The following TMCC2 variants were observed in gnomAD, a reference collection of about 807,000 sequenced individuals.
TMCC2 encodes transmembrane and coiled-coil domain family 2, also known as transmembrane and coiled-coil domains protein 2.
TMCC2 carries 16 observed loss-of-function variants against 49.4 expected under a neutral mutation model. The observed-to-expected ratio is 0.32, with a 90% confidence interval of 0.22 to 0.49. The LOEUF (loss-of-function observed/expected upper bound fraction) is 0.49. TMCC2 is among the 20% of genes least tolerant of loss of function. TMCC2 has a pLI of 0.99. For synonymous variants in TMCC2, 397 were observed against 434.1 expected (o/e 0.91, Z 1.06); for missense variants, 762 against 989.8 (o/e 0.77, Z 3.09).
In TMCC2 at chr1:205,269,713, C is replaced by T; in HGVS notation, c.1511C>T (p.Pro504Leu). Residue 504 changes from proline to leucine, a missense_variant, in exon 3 of 5, where the codon CCT (proline) becomes CTT (leucine). Coordinates refer to ENST00000358024, the MANE Select transcript of TMCC2 (RefSeq NM_014858.4). ...GAGPGGALGS[P>L]KSNALYGAPG... is the part of the protein sequence containing the mutation. ...GGGCCTGGTGGGGCGCTGGGGAGCC[C>T]TAAGTCCAATGCACTGTATGGTGCT... 1 of 1,614,166 alleles carries T rather than the reference C, an allele frequency of 6.2e-7. No individual in the cohort carries two copies. The highest frequency in any genetic ancestry group is 1.1e-5 in the South Asian group (1 of 91,088).
chr1:205,256,156 C>T (rs1245774688), intron 2 of TMCC2: 16 of 1,365,192 alleles, frequency 1.2e-5, no homozygotes, highest in South Asian at 4.5e-5. Context: ...CAACGTGACG[C>T]GTGTCGGCCA....
intron 2 of TMCC2, among the ~76,000 whole-genome samples, chr1:205,263,073 C>G (rs567224019): frequency 6.6e-6 from 1 of 152,076 alleles, no homozygotes; most frequent in Admixed American, 6.5e-5. Flanking sequence ...AAGCACCCCC[C>G]ACCGCCTCCC....
intron 1 of TMCC2, among the ~76,000 whole-genome samples, chr1:205,237,332 T>C (rs1302511623): frequency 1.3e-5 from 2 of 152,154 alleles, no homozygotes; most frequent in African/African-American, 4.8e-5. Flanking sequence ...GCTGGCCCTG[T>C]TTCCATAGAG....
intron 2 of TMCC2, chr1:205,256,287 A>C (rs1385241920): frequency 6.5e-7 from 1 of 1,547,506 alleles, no homozygotes; most frequent in Admixed American, 2.0e-5. Flanking sequence ...CCCAGGACTC[A>C]GCTGGCCAGC....
In TMCC2 at chr1:205,272,342, G is replaced by T; in HGVS notation, c.*218G>T. On this transcript the variant is annotated 3_prime_UTR_variant, in exon 5 of 5. Coordinates refer to ENST00000358024, the MANE Select transcript of TMCC2 (RefSeq NM_014858.4). Reference sequence around the variant, plus strand: ...TGCAGCCCTACCTGGAGATAGTGCGGGCACCTGTGGCCAAGTGGAGCAGAG... The same window carrying T: ...TGCAGCCCTACCTGGAGATAGTGCGTGCACCTGTGGCCAAGTGGAGCAGAG... 1.1e-6 allele frequency: 1 copy of T among 892,414 alleles called. No homozygotes were observed. Among genetic ancestry groups the T allele is most frequent in the Non-Finnish European group, 1.6e-6 (1 of 608,546 alleles). 55.3% of individuals were successfully genotyped at this position (892,414 alleles called of 1,614,324 possible).
intron 2 of TMCC2, among the ~76,000 whole-genome samples, chr1:205,268,461 A>C (rs1414371536): frequency 6.6e-6 from 1 of 152,100 alleles, no homozygotes; most frequent in East Asian, 1.9e-4. Context: ...TGAAAATACA[A>C]AAATTAGCCA....
intron 2 of TMCC2, among the ~76,000 whole-genome samples, chr1:205,255,751 G>C (rs1182089841): frequency 6.6e-6 from 1 of 152,160 alleles, no homozygotes; most frequent in African/African-American, 2.4e-5. Flanking sequence ...ATGAACATAA[G>C]ATCTGATCCC....
chr1:205,261,863 C>T (rs1661131006), intron 2 of TMCC2, among the ~76,000 whole-genome samples: 2 of 152,242 alleles, frequency 1.3e-5, no homozygotes, highest in South Asian at 4.1e-4. Context: ...CTTTAAAGCC[C>T]TTTCCTTTAC....
intron 2 of TMCC2, among the ~76,000 whole-genome samples, chr1:205,244,305 T>G (rs1660378016): frequency 6.6e-6 from 1 of 152,102 alleles, no homozygotes; most frequent in South Asian, 2.1e-4. Context: ...GAAGGGGAAT[T>G]CTCACTGGGG....
intron 1 of TMCC2, among the ~76,000 whole-genome samples, chr1:205,237,625 A>G (rs1032394131): frequency 1.3e-5 from 2 of 152,218 alleles, no homozygotes; most frequent in Admixed American, 1.3e-4. Context: ...CTGTACCCCA[A>G]GGCATTTTAG....
intron 2 of TMCC2, chr1:205,256,200 C>G (rs1660864829): frequency 6.8e-7 from 1 of 1,464,922 alleles, no homozygotes; most frequent in Admixed American, 2.4e-5. Flanking sequence ...TCACCAGACT[C>G]AAGTGGGTGC....
chr1:205,257,841 G>C (rs931358745), intron 2 of TMCC2, among the ~76,000 whole-genome samples: 1 of 152,184 alleles, frequency 6.6e-6, no homozygotes, highest in African/African-American at 2.4e-5. Context: ...TCAGAGGATG[G>C]ACAATGGAGA....
At chr1:205,232,414 A>C (rs1659835933) in intron 1 of TMCC2, among the ~76,000 whole-genome samples, 1 of 152,124 alleles carries the variant, frequency 6.6e-6, no homozygotes, top group Non-Finnish European at 1.5e-5. Flanking sequence ...GAAACACTCG[A>C]GTTCATGTTT....
At chr1:205,232,965 A>C (rs1162487372) in intron 1 of TMCC2, among the ~76,000 whole-genome samples, 1 of 144,656 alleles carries the variant, frequency 6.9e-6, no homozygotes, top group South Asian at 2.2e-4. Context: ...AAAAAACACA[A>C]AAAAACACAC....
chr1:205,237,948 C>T lies in TMCC2; in HGVS notation c.208-3557C>T, dbSNP rs571553724. ...ACCTTATGGCCAGTTCTGGGGACGG[C>T]ACTTCTTGCTTCGGTCTTACAGATC... On this transcript the variant is annotated intron_variant, in intron 1 of 4. Coordinates refer to ENST00000358024, the MANE Select transcript of TMCC2 (RefSeq NM_014858.4). Among the ~76,000 whole-genome samples, 74 of 152,320 alleles carry T rather than the reference C, an allele frequency of 4.9e-4. 1 individual carries two copies. Among genetic ancestry groups the T allele is most frequent in the Non-Finnish European group, 5.1e-4 (35 of 68,028 alleles).
In TMCC2 at chr1:205,264,201, A is replaced by G. The variant is rs1661227290; in HGVS notation, c.748-4749A>G. Reference sequence around the variant, plus strand: ...AGTCTCATACAGTAAATAGTGTAGTATTTGCATAGAACCTGCACACATCCT... The same window carrying G: ...AGTCTCATACAGTAAATAGTGTAGTGTTTGCATAGAACCTGCACACATCCT... On this transcript the variant is annotated intron_variant, in intron 2 of 4. Transcript: ENST00000358024. The surrounding 1 kb of genome is among the most constrained non-coding windows in gnomAD (Gnocchi z 4.2). 6.6e-6 allele frequency among the ~76,000 whole-genome samples: 1 copy of G among 152,242 alleles called. No homozygotes were observed. Among genetic ancestry groups the G allele is most frequent in the African/African-American group, 2.4e-5 (1 of 41,472 alleles).
rs975827988 is a variant in TMCC2, at chr1:205,228,473, C to A, written c.-92C>A. 9.0e-7 allele frequency: 1 copy of A among 1,112,442 alleles called. No homozygotes were observed. The highest frequency in any genetic ancestry group is 1.3e-6 in the Non-Finnish European group (1 of 778,512). 68.9% of individuals were successfully genotyped at this position (1,112,442 alleles called of 1,614,324 possible). ...CTCCCCTCCTTGTTAATAATTTAGA[C>A]CCCAGGCCTCATATGAATATAAGAG... On this transcript the variant is annotated 5_prime_UTR_variant, in exon 1 of 5. Coordinates refer to ENST00000358024, the MANE Select transcript of TMCC2 (RefSeq NM_014858.4).
At chr1:205,257,237 A>C (rs1660911318) in intron 2 of TMCC2, 3 of 1,232,252 alleles carry the variant, frequency 2.4e-6, no homozygotes, top group Non-Finnish European at 3.0e-6. Flanking sequence ...ACTCAGGCAC[A>C]CCTGCTCGCA....
chr1:205,228,707 C>T lies in TMCC2; in HGVS notation c.143C>T (p.Thr48Ile). The T allele has an allele frequency of 6.2e-7, 1 of 1,611,860 alleles. No individual in the cohort carries two copies. The highest frequency in any genetic ancestry group is 8.5e-7 in the Non-Finnish European group (1 of 1,179,560). The stretch of plus-strand genomic sequence containing the variant: ...GGTGCTAACTCTGCTGGCGGGCCAA[C>T]TTCAGACGCCGGCGCTGCCGCGGCG... ...TTGANSAGGP[T>I]SDAGAAAAPN... The change falls in exon 1 of 5, where the codon ACT becomes ATT. Residue 48 changes from threonine (T) to isoleucine (I), a missense_variant. By Grantham distance (89) the Thr-to-Ile change is moderately conservative. Transcript: ENST00000358024.
Sources: allele counts gnomAD v4.1 joint callset (sites outside exome capture counted in the v4.1 genomes callset), GRCh38; gene constraint gnomAD v4.1.1; non-coding constraint Gnocchi (gnomAD v3.1); transcripts MANE v1.5; gene names NCBI Gene and HGNC (gene_info 2026-07-23, HGNC 2026-07-21).